Variants in TBC1D8 observed in about 807,000 individuals in gnomAD.
TBC1D8 encodes BUB2-like protein 1.
In TBC1D8, 65 loss-of-function variants were observed where a neutral mutation model predicts 118.8. The observed-to-expected ratio is 0.55, with a 90% CI of 0.45 to 0.67. The LOEUF (loss-of-function observed/expected upper bound fraction) is 0.67. Among genes scored for constraint, TBC1D8 ranks in the 30% least tolerant of loss-of-function variants. The probability of loss-of-function intolerance (pLI) is 0.00; values close to 1 mark genes in which losing one functional copy is unlikely to be tolerated. For missense variants in TBC1D8, 1,376 were observed against 1,471.2 expected (o/e 0.94, Z 1.06); for synonymous variants, 566 against 595.8 (o/e 0.95, Z 0.73).
chr2:101,150,584 G>C (rs1679513080), intron 1 of TBC1D8, among the ~76,000 whole-genome samples: 3 of 152,254 alleles, frequency 2.0e-5, no homozygotes, highest in Admixed American at 2.0e-4. Flanking sequence ...GAGATCACGA[G>C]CTTGGGATTC....
intron 1 of TBC1D8, among the ~76,000 whole-genome samples, chr2:101,141,195 G>A (rs1679085234): frequency 6.6e-6 from 1 of 151,904 alleles, no homozygotes; most frequent in African/African-American, 2.4e-5. Flanking sequence ...TAGATCGTGA[G>A]TCAATATTTA....
chr2:101,054,668 TTTTC>T (rs200832772), intron 3 of TBC1D8, among the ~76,000 whole-genome samples: 4,625 of 37,170 alleles, frequency 0.12, 676 homozygotes, highest in African/African-American at 0.45. Flanking sequence ...TTTTCTTTTC[TTTTC>T]TTTTTTTTTT....
intron 17 of TBC1D8, among the ~76,000 whole-genome samples, chr2:101,020,397 T>G (rs1004116337): frequency 2.6e-5 from 4 of 152,124 alleles, no homozygotes; most frequent in African/African-American, 9.7e-5. Flanking sequence ...GAAAAACATT[T>G]GTGAAAAATA....
intron 1 of TBC1D8, among the ~76,000 whole-genome samples, chr2:101,093,158 A>G (rs1305590966): frequency 1.3e-5 from 2 of 152,224 alleles, no homozygotes; most frequent in Non-Finnish European, 2.9e-5. Context: ...AGAACACAGT[A>G]TATAATACAC....
intron 15 of TBC1D8, among the ~76,000 whole-genome samples, chr2:101,026,311 G>A (rs189633320): frequency 3.3e-5 from 5 of 152,262 alleles, no homozygotes; most frequent in African/African-American, 9.6e-5. Flanking sequence ...AAATGAGGCG[G>A]GGGTTGGGAT....
In TBC1D8 at chr2:101,127,260, T is replaced by C. The variant is rs190378668; in HGVS notation, c.127+23867A>G. ...CTGAGGCAGGAGAATGGCTTGAACC[T>C]GGGAGGCAGAGGTTGCAGTGAGCCA... On this transcript the variant is annotated intron_variant, in intron 1 of 19. Coordinates refer to ENST00000409318, the MANE Select transcript of TBC1D8 (RefSeq NM_001330348.2). Among the ~76,000 whole-genome samples, 268 of 150,950 alleles carry C rather than the reference T, an allele frequency of 1.8e-3. 3 individuals are homozygous for C. Among genetic ancestry groups the C allele is most frequent in the East Asian group, 4.3e-3 (22 of 5,110 alleles).
In TBC1D8 at chr2:101,029,538, G is replaced by C; in HGVS notation, c.2175C>G (p.Asp725Glu). 1 of 1,613,978 alleles carries C rather than the reference G, an allele frequency of 6.2e-7. No homozygotes were observed. The highest frequency in any genetic ancestry group is 1.1e-5 in the South Asian group (1 of 91,084). Residue 725 changes from aspartate (D) to glutamate (E), a missense_variant, in exon 12 of 20, where the codon GAC (aspartate) becomes GAG (glutamate). Transcript: ENST00000409318. ...GGCCATCATCCTTGCTGCTGCACAG[G>C]TCCTCAGCATTGGCCTCAAGCACAG... ...GLAVLEANAE[D>E]LCSSKDDGQA...
chr2:101,097,149 G>A (rs996124237), intron 1 of TBC1D8, among the ~76,000 whole-genome samples: 4 of 151,778 alleles, frequency 2.6e-5, no homozygotes, highest in Non-Finnish European at 4.4e-5. Flanking sequence ...AAAAGCCTGC[G>A]AACAAGAGAG....
intron 2 of TBC1D8, among the ~76,000 whole-genome samples, chr2:101,086,541 CA>C (rs1675641437): frequency 6.7e-6 from 1 of 149,620 alleles, no homozygotes; most frequent in Admixed American, 6.7e-5. Context: ...GAGTTGTGTG[CA>C]CAAAAAAAAC....
chr2:101,115,275 A>G (rs1677770733), intron 1 of TBC1D8, among the ~76,000 whole-genome samples: 1 of 152,236 alleles, frequency 6.6e-6, no homozygotes, highest in Non-Finnish European at 1.5e-5. Flanking sequence ...TGGAGCCAGT[A>G]ATTAGAAAAA....
At chr2:101,047,302 A>G (rs747495653) in intron 5 of TBC1D8, among the ~76,000 whole-genome samples, 2 of 152,244 alleles carry the variant, frequency 1.3e-5, no homozygotes, top group South Asian at 2.1e-4. Flanking sequence ...CACTGTGGCC[A>G]TAAGTCCTGC....
At position 101,090,269 on chromosome 2, in the gene TBC1D8, A is replaced by T. The variant is rs1283824103; in HGVS notation, c.223T>A (p.Ser75Thr). 6 of 1,613,842 alleles carry T rather than the reference A, an allele frequency of 3.7e-6. No homozygotes were observed. The African/African-American group carries it at 8.0e-5, about 22-fold the overall frequency. The change falls in exon 2 of 20, where the codon TCT becomes ACT. Residue 75 changes from serine (S) to threonine (T), a missense_variant. Physicochemically the swap from Ser to Thr is moderately conservative, Grantham distance 58. Transcript: ENST00000409318. ...LLQVPGSQVY[S>T]PIACGELLNG... ...AGTAACTCACCACATGCTATGGGAG[A>T]ATAAACCTGGGAGCCGGGAACTTGA...
chr2:101,059,836 G>A (rs1468686587), intron 2 of TBC1D8, among the ~76,000 whole-genome samples: 1 of 152,218 alleles, frequency 6.6e-6, no homozygotes, highest in East Asian at 1.9e-4. Flanking sequence ...CTACTCGGGA[G>A]GCTGAGGCAG....
chr2:101,141,383 G>A (rs1042164015), intron 1 of TBC1D8, among the ~76,000 whole-genome samples: 3 of 152,138 alleles, frequency 2.0e-5, no homozygotes, highest in African/African-American at 7.2e-5. Context: ...CTGATGTGCA[G>A]ATCTTCATTC....
chr2:101,096,716 C>T (rs761186322), intron 1 of TBC1D8, among the ~76,000 whole-genome samples: 2 of 151,578 alleles, frequency 1.3e-5, no homozygotes, highest in Non-Finnish European at 2.9e-5. Context: ...AGCATGGACA[C>T]AGTCAAGGAA....
chr2:101,056,041 CT>C (rs113118928), intron 3 of TBC1D8, among the ~76,000 whole-genome samples: 20,620 of 142,476 alleles, frequency 0.14, 1,525 homozygotes, highest in African/African-American at 0.17. Context: ...TAACATTTCT[CT>C]TTTTTTTTTT....
chr2:101,111,212 A>C (rs1677564362), intron 1 of TBC1D8, among the ~76,000 whole-genome samples: 1 of 152,192 alleles, frequency 6.6e-6, no homozygotes, highest in African/African-American at 2.4e-5. Flanking sequence ...TTCATAATTC[A>C]ATATCACTCT....
rs1303871984 is a variant in TBC1D8, at chr2:101,046,861, T to G, written c.872+3540A>C. 2.0e-5 allele frequency among the ~76,000 whole-genome samples: 3 copies of G among 152,250 alleles called. No individual in the cohort carries two copies. The East Asian group carries it at 5.8e-4, about 29-fold the overall frequency. ...AGCCTGCCTCGTGGGAAACAGAGTT[T>G]CCATTTACTACACCGCTTTAATTCA... On this transcript the variant is annotated intron_variant, in intron 5 of 19. Coordinates refer to ENST00000409318, the MANE Select transcript of TBC1D8 (RefSeq NM_001330348.2).
At chr2:101,022,198 G>C in intron 16 of TBC1D8, 83 bp downstream of exon 16, 2 of 1,586,868 alleles carry the variant, frequency 1.3e-6, no homozygotes, top group Non-Finnish European at 1.7e-6. Context: ...ATGTGCATCT[G>C]CCTGCTCCGA....
Sources: gnomAD v4.1 joint callset for allele counts (sites outside exome capture counted in the v4.1 genomes callset) on GRCh38, gnomAD v4.1.1 for gene constraint, MANE v1.5 for transcripts, NCBI Gene and HGNC (gene_info 2026-07-23, HGNC 2026-07-21) for gene names.